The following CNTNAP2 variants were observed in gnomAD, a reference collection of about 807,000 sequenced individuals.
The protein encoded by CNTNAP2 is contactin associated protein 2.
In CNTNAP2, 98 loss-of-function variants were observed where a neutral mutation model predicts 155.2. The observed-to-expected ratio is 0.63, with a 90% CI of 0.54 to 0.75. CNTNAP2 has a LOEUF of 0.75. Among genes scored for constraint, CNTNAP2 ranks in the 30% least tolerant of loss-of-function variants. The pLI, the probability that CNTNAP2 is intolerant of heterozygous loss-of-function variation, is 0.00. For synonymous variants in CNTNAP2, 651 were observed against 631.2 expected (o/e 1.03, Z -0.47); for missense variants, 1,727 against 1,688.1 (o/e 1.02, Z -0.40).
chr7:146,137,020 T>A (rs1319940740), intron 1 of CNTNAP2, among the ~76,000 whole-genome samples: 3 of 152,148 alleles, frequency 2.0e-5, no homozygotes, highest in African/African-American at 7.2e-5. Flanking sequence ...AACGAACTGT[T>A]AAAATTTGAA....
At chr7:148,218,354 A>C (rs1795682374) in intron 19 of CNTNAP2, among the ~76,000 whole-genome samples, 1 of 152,168 alleles carries the variant, frequency 6.6e-6, no homozygotes, top group Non-Finnish European at 1.5e-5. Context: ...TAAATTCACA[A>C]AGTGTATCCC....
At chr7:148,265,647 T>G (rs1416155873) in intron 20 of CNTNAP2, among the ~76,000 whole-genome samples, 1 of 152,190 alleles carries the variant, frequency 6.6e-6, no homozygotes, top group South Asian at 2.1e-4. Flanking sequence ...AATGTTTACT[T>G]TAATAGTTTT....
intron 9 of CNTNAP2, among the ~76,000 whole-genome samples, chr7:147,377,674 T>C (rs1011799209): frequency 3.3e-5 from 5 of 151,980 alleles, no homozygotes; most frequent in Admixed American, 2.6e-4. Context: ...CTTCCCTGTT[T>C]ATTTAGCTTG....
intron 17 of CNTNAP2, among the ~76,000 whole-genome samples, chr7:148,155,119 A>G (rs1805374086): frequency 6.6e-6 from 1 of 152,168 alleles, no homozygotes; most frequent in Non-Finnish European, 1.5e-5. Flanking sequence ...CGAGTCTATA[A>G]CATAGATAAC....
intron 3 of CNTNAP2, among the ~76,000 whole-genome samples, chr7:146,902,107 A>G (rs919509063): frequency 1.3e-5 from 2 of 151,428 alleles, no homozygotes; most frequent in Admixed American, 6.6e-5. Context: ...GATGGTGTCG[A>G]TCTCCTAAAC....
intron 10 of CNTNAP2, among the ~76,000 whole-genome samples, chr7:147,408,525 C>G (rs185056104): frequency 0.012 from 1,753 of 152,320 alleles, 5 homozygotes; most frequent in Non-Finnish European, 0.019. Context: ...CTTTGGGAGG[C>G]TGACGCGGGC....
At chr7:146,125,558 AGAGC>A (rs1797622431) in intron 1 of CNTNAP2, among the ~76,000 whole-genome samples, 1 of 144,870 alleles carries the variant, frequency 6.9e-6, no homozygotes, top group Admixed American at 7.0e-5. Context: ...CCTGGGTGAC[AGAGC>A]AGAGCGAGAC....
In CNTNAP2 at chr7:148,385,748, T is replaced by TG. The variant is rs1347658568; in HGVS notation, c.3715+1860_3715+1861insG. ...TTGAGTGTGACAGGTTTTTTTTTTT[T>TG]TTTTTTTTTTTTGGAGACAGACAGA... On this transcript the variant is annotated intron_variant, in intron 22 of 23. Coordinates refer to ENST00000361727, the MANE Select transcript of CNTNAP2 (RefSeq NM_014141.6). Among the ~76,000 whole-genome samples, 241 of 105,166 alleles carry TG rather than the reference T, an allele frequency of 2.3e-3. 1 individual carries two copies. The highest frequency in any genetic ancestry group is 8.2e-3 in the African/African-American group (232 of 28,328). 69.0% of individuals were successfully genotyped at this position (105,166 alleles called of 152,430 possible). A position where few individuals can be genotyped will look rare whatever the true frequency, so the allele number is the denominator to read the frequency against.
intron 3 of CNTNAP2, among the ~76,000 whole-genome samples, chr7:147,024,989 A>G (rs904508557): frequency 6.6e-6 from 1 of 151,884 alleles, no homozygotes; most frequent in Admixed American, 6.6e-5. Context: ...ACCATTAGAA[A>G]GCACCCATAT....
intron 15 of CNTNAP2, among the ~76,000 whole-genome samples, chr7:148,023,533 TGTAG>T (rs773595170): frequency 1.1e-4 from 17 of 152,192 alleles, no homozygotes; most frequent in Non-Finnish European, 2.1e-4. Flanking sequence ...CCAATAGCCC[TGTAG>T]GTGACAATGC....
At chr7:146,119,510 C>A (rs1797532954) in intron 1 of CNTNAP2, among the ~76,000 whole-genome samples, 1 of 152,186 alleles carries the variant, frequency 6.6e-6, no homozygotes, top group Admixed American at 6.5e-5. Context: ...TGCTGCTGAG[C>A]TGATGTAACA....
chr7:146,280,101 T>C (rs1800226870), intron 1 of CNTNAP2, among the ~76,000 whole-genome samples: 1 of 152,190 alleles, frequency 6.6e-6, no homozygotes, highest in African/African-American at 2.4e-5. Context: ...TCGATGTGTG[T>C]GTGAATGTTT....
chr7:148,380,046 T>C (rs1486824551), intron 21 of CNTNAP2, among the ~76,000 whole-genome samples: 3 of 152,254 alleles, frequency 2.0e-5, no homozygotes, highest in Non-Finnish European at 2.9e-5. Context: ...TGAACTATTT[T>C]CTGTAATCCA....
intron 1 of CNTNAP2, among the ~76,000 whole-genome samples, chr7:146,750,647 C>T (rs1801887691): frequency 6.6e-6 from 1 of 152,156 alleles, no homozygotes; most frequent in South Asian, 2.1e-4. Flanking sequence ...TAATATGCCA[C>T]AGTCTTTAAA....
At chr7:148,006,242 G>T (rs1020758687) in intron 15 of CNTNAP2, among the ~76,000 whole-genome samples, 40 of 150,546 alleles carry the variant, frequency 2.7e-4, no homozygotes, top group African/African-American at 9.3e-4. Flanking sequence ...TAGAGAATAT[G>T]AAAGAAAAAA....
At position 147,839,807 on chromosome 7, in the gene CNTNAP2, C is replaced by T. The variant is rs146668358; in HGVS notation, c.2099-63758C>T. 2.0e-3 allele frequency among the ~76,000 whole-genome samples: 299 copies of T among 152,230 alleles called. 1 individual carries two copies. The highest frequency in any genetic ancestry group is 6.7e-3 in the African/African-American group (280 of 41,506). On this transcript the variant is annotated intron_variant, in intron 13 of 23. Transcript: ENST00000361727. ...CTGCACTTGTATGCTTATTGCAGCA[C>T]TATTCACAATAGCAAAGATATGGAA... is the stretch of plus-strand genomic sequence containing the variant.
chr7:148,248,203 A>AT (rs35875873), intron 20 of CNTNAP2, among the ~76,000 whole-genome samples: 14,967 of 147,616 alleles, frequency 0.1, 939 homozygotes, highest in Non-Finnish European at 0.16. Flanking sequence ...CTGTTCTATA[A>AT]TTTTTTTTTT....
At chr7:147,046,207 C>T (rs193141974) in intron 4 of CNTNAP2, among the ~76,000 whole-genome samples, 93 of 152,236 alleles carry the variant, frequency 6.1e-4, no homozygotes, top group South Asian at 2.1e-3. Context: ...CCCACCTGAC[C>T]GTCCACAGTT....
chr7:146,425,671 C>T (rs1457065390), intron 1 of CNTNAP2, among the ~76,000 whole-genome samples: 1 of 152,036 alleles, frequency 6.6e-6, no homozygotes, highest in East Asian at 1.9e-4. Flanking sequence ...GCCACAGTAA[C>T]AAAAACTACA....
Sources: allele counts gnomAD v4.1 joint callset (sites outside exome capture counted in the v4.1 genomes callset), GRCh38; gene constraint gnomAD v4.1.1; transcripts MANE v1.5; gene names NCBI Gene and HGNC (gene_info 2026-07-23, HGNC 2026-07-21).